AFF1: variants seen among roughly 807,000 people sequenced by gnomAD.
AFF1 encodes AF4/FMR2 family member 1.
In AFF1, 48 loss-of-function variants were observed where a neutral mutation model predicts 121.7. That is an observed-to-expected ratio of 0.39 (90% CI 0.31 to 0.50). The LOEUF is 0.50. AFF1 is among the 20% of genes least tolerant of loss of function. The pLI, the probability that AFF1 is intolerant of heterozygous loss-of-function variation, is 0.76. For missense variants in AFF1, 1,523 were observed against 1,511.7 expected (o/e 1.01, Z -0.12); for synonymous variants, 613 against 563.0 (o/e 1.09, Z -1.26).
chr4:87,120,104 C>T (rs19026), intron 12 of AFF1, among the ~76,000 whole-genome samples: 27,640 of 152,208 alleles, frequency 0.18, 2,753 homozygotes, highest in Middle Eastern at 0.3. Context: ...CATGTGATAG[C>T]TTAGGCTGTT....
Position 86,948,525 on chromosome 4 carries a change from C to T in AFF1, c.-9C>T. ...GAACAGACTAGCCACTTTGCATTGA[C>T]TGGAAACAATGGCATTTACAGAAAG... On this transcript the variant is annotated 5_prime_UTR_variant, in exon 2 of 21. Coordinates refer to ENST00000395146, the MANE Select transcript of AFF1 (RefSeq NM_001166693.3). 1 of 1,536,790 alleles carries T rather than the reference C, an allele frequency of 6.5e-7. No individual in the cohort carries two copies. Among genetic ancestry groups the T allele is most frequent in the Non-Finnish European group, 8.7e-7 (1 of 1,146,598 alleles).
chr4:87,104,960 C>T (rs1303771135), intron 8 of AFF1, among the ~76,000 whole-genome samples: 1 of 151,800 alleles, frequency 6.6e-6, no homozygotes, highest in Admixed American at 6.6e-5. Flanking sequence ...GATCAGTGTT[C>T]ACATAGGCAA....
chr4:87,023,895 T>C (rs1728273576), intron 2 of AFF1, among the ~76,000 whole-genome samples: 1 of 152,208 alleles, frequency 6.6e-6, no homozygotes, highest in Admixed American at 6.5e-5. Flanking sequence ...TTAAGATTAC[T>C]TGGAGGAGAC....
In AFF1 at chr4:87,062,962, CTT is replaced by C. The variant is rs1296873360; in HGVS notation, c.1059+15369_1059+15370del. Reference sequence around the variant, plus strand: ...AGCATGGATTTGGGATTAAGGAAGACTTGGGTTTGAATCTTGTTTTTACCTTC... The same window carrying C: ...AGCATGGATTTGGGATTAAGGAAGACGGGTTTGAATCTTGTTTTTACCTTC... On this transcript the variant is annotated intron_variant, in intron 4 of 20. Transcript: ENST00000395146. 3.9e-5 allele frequency among the ~76,000 whole-genome samples: 6 copies of C among 152,230 alleles called. No individual in the cohort carries two copies. In the East Asian group the frequency reaches 1.2e-3, roughly 29 times the overall value.
chr4:87,081,976 G>T (rs577611397), intron 4 of AFF1, among the ~76,000 whole-genome samples: 5 of 152,206 alleles, frequency 3.3e-5, no homozygotes, highest in African/African-American at 1.2e-4. Context: ...AGTAATTATG[G>T]AGATCAGAAA....
chr4:87,089,026 AGCT>A (rs1437073942), intron 5 of AFF1, among the ~76,000 whole-genome samples: 4 of 152,266 alleles, frequency 2.6e-5, no homozygotes, highest in African/African-American at 9.6e-5. Context: ...TACAGGTGTG[AGCT>A]GCTGCGCCCG....
intron 2 of AFF1, among the ~76,000 whole-genome samples, chr4:87,041,704 C>G (rs758825522): frequency 4.0e-5 from 6 of 150,964 alleles, no homozygotes; most frequent in Non-Finnish European, 8.9e-5. Context: ...TGACAGTTAA[C>G]TTATAGTTAT....
At chr4:87,058,266 G>T (rs1454854950) in intron 4 of AFF1, among the ~76,000 whole-genome samples, 1 of 152,160 alleles carries the variant, frequency 6.6e-6, no homozygotes, top group Non-Finnish European at 1.5e-5. Context: ...TTTCTGTGGA[G>T]TAATGATGGC....
chr4:87,072,731 A>T (rs568581281), intron 4 of AFF1, among the ~76,000 whole-genome samples: 9 of 152,022 alleles, frequency 5.9e-5, no homozygotes, highest in African/African-American at 2.2e-4. Flanking sequence ...GGATTTCACC[A>T]TGTTGGCCAG....
Position 86,969,879 on chromosome 4 carries a change from C to CAAAAAAAAAAAAAAAAAAAAA in AFF1, c.38+21326_38+21327insAAAAAAAAAAAAAAAAAAAAA, listed in dbSNP as rs70953629. Among the ~76,000 whole-genome samples the CAAAAAAAAAAAAAAAAAAAAA allele has an allele frequency of 2.6e-3, 167 of 63,588 alleles. 20 individuals are homozygous for CAAAAAAAAAAAAAAAAAAAAA. Among genetic ancestry groups the CAAAAAAAAAAAAAAAAAAAAA allele is most frequent in the East Asian group, 6.7e-3 (17 of 2,536 alleles). The allele number at this position is 63,588 out of a possible 152,430, so 41.7% of individuals were successfully genotyped here. On this transcript the variant is annotated intron_variant, in intron 2 of 20. Transcript: ENST00000395146. ...TGGGCGGAAGAGCGAGACTCCGTCT[C>CAAAAAAAAAAAAAAAAAAAAA]AAAAAAAAAAAAAAAAAAGGTAAGA...
In AFF1 at chr4:86,949,829, C is replaced by A. The variant is rs549820197; in HGVS notation, c.38+1258C>A. 8 of 1,613,964 alleles carry A rather than the reference C, an allele frequency of 5.0e-6. No homozygotes were observed. The African/African-American group carries it at 9.3e-5, about 19-fold the overall frequency. On this transcript the variant is annotated intron_variant, in intron 2 of 20. Coordinates refer to ENST00000395146, the MANE Select transcript of AFF1 (RefSeq NM_001166693.3). ...CTGCGTCATGATGGCGAAACCGATCCAGGACCCCACCTCGTAGGTGTAGTT... is the reference window on the plus strand; with the variant it reads ...CTGCGTCATGATGGCGAAACCGATCAAGGACCCCACCTCGTAGGTGTAGTT...
At chr4:87,069,070 T>G (rs1023229116) in intron 4 of AFF1, among the ~76,000 whole-genome samples, 1 of 152,098 alleles carries the variant, frequency 6.6e-6, no homozygotes, top group Non-Finnish European at 1.5e-5. Flanking sequence ...CTCTTCCCCC[T>G]TCTCTTCTTT....
At chr4:86,947,894 C>T (rs1720987167) in intron 1 of AFF1, among the ~76,000 whole-genome samples, 1 of 151,840 alleles carries the variant, frequency 6.6e-6, no homozygotes, top group South Asian at 2.1e-4. Flanking sequence ...CTGGGACCCA[C>T]TTTTCTTAAG....
Position 87,108,272 on chromosome 4 carries a change from G to A in AFF1, c.1490G>A (p.Ser497Asn). The change falls in exon 11 of 21, where the codon AGT becomes AAT. Residue 497 changes from serine (S) to asparagine (N), a missense_variant. By Grantham distance (46) the Ser-to-Asn change is conservative. Around this residue, in one of 5 missense-constraint regions of AFF1, gnomAD observed 905 missense variants for 842.5 expected, o/e 1.07. Transcript: ENST00000395146. ...SSDSESESSS[S>N]DSEENEPLET... The stretch of plus-strand genomic sequence containing the variant: ...GACTCAGAGAGCGAGAGCAGTTCAA[G>A]TGACAGCGAAGAAAATGAGCCCCTA... 2 of 1,613,942 alleles carry A rather than the reference G, an allele frequency of 1.2e-6. No individual in the cohort carries two copies. The highest frequency in any genetic ancestry group is 2.2e-5 in the East Asian group (1 of 44,880).
chr4:86,971,177 G>A (rs1054441351), intron 2 of AFF1, among the ~76,000 whole-genome samples: 4 of 152,208 alleles, frequency 2.6e-5, no homozygotes, highest in Admixed American at 6.5e-5. Flanking sequence ...AAAGTCAAAT[G>A]TTTGGCACAG....
intron 12 of AFF1, among the ~76,000 whole-genome samples, 168 bp from the exon 13 acceptor site, chr4:87,124,869 A>T (rs762523312): frequency 5.9e-5 from 9 of 152,152 alleles, no homozygotes; most frequent in Non-Finnish European, 1.2e-4. Context: ...CCCACTCCCC[A>T]TCACACTCAC....
intron 2 of AFF1, among the ~76,000 whole-genome samples, chr4:87,040,761 T>A (rs1730054825): frequency 6.8e-6 from 1 of 146,792 alleles, no homozygotes; most frequent in Non-Finnish European, 1.5e-5. Flanking sequence ...AGTAGAGACA[T>A]AGGGTTTCAC....
chr4:87,043,677 C>A (rs1297463515), intron 2 of AFF1, among the ~76,000 whole-genome samples: 1 of 152,198 alleles, frequency 6.6e-6, no homozygotes, highest in Non-Finnish European at 1.5e-5. Flanking sequence ...GGTTCAGCAG[C>A]TTCTTCTTTT....
At position 87,132,309 on chromosome 4, in the gene AFF1, G is replaced by A. The variant is rs756601191; in HGVS notation, c.3212G>A (p.Arg1071His). ...TCCATTTTGAACATGGCGATGTTTC[G>A]TTGTAAAAAAGACATAGCAATAAAG... The part of the protein sequence containing the change: ...CQSILNMAMF[R>H]CKKDIAIKYS... Residue 1071 changes from arginine (R) to histidine (H), a missense_variant, in exon 19 of 21, where the codon CGT becomes CAT. Around this residue, in one of 5 missense-constraint regions of AFF1, gnomAD observed 241 missense variants for 265.2 expected, o/e 0.91. Transcript: ENST00000395146. The A allele has an allele frequency of 7.4e-6, 12 of 1,612,534 alleles. No homozygotes were observed. The highest frequency in any genetic ancestry group is 2.2e-5 in the East Asian group (1 of 44,772).
Sources: gnomAD v4.1 joint callset for allele counts (sites outside exome capture counted in the v4.1 genomes callset) on GRCh38, gnomAD v4.1.1 for gene constraint, gnomAD v4.1.1 regional missense constraint, MANE v1.5 for transcripts, NCBI Gene and HGNC (gene_info 2026-07-23, HGNC 2026-07-21) for gene names.